MAU2: variants seen among roughly 807,000 people sequenced by gnomAD.
MAU2 encodes the protein MAU2 sister chromatid cohesion factor.
MAU2 carries 9 observed loss-of-function variants against 89.1 expected under a neutral mutation model. The ratio of observed to expected loss-of-function variants is 0.10; its 90% CI spans 0.06 to 0.18. The LOEUF is 0.18. MAU2 is among the 10% of genes least tolerant of loss of function. The probability of loss-of-function intolerance (pLI) is 1.00; values close to 1 mark genes in which losing one functional copy is unlikely to be tolerated. For synonymous variants in MAU2, 357 were observed against 343.4 expected, an observed-to-expected ratio of 1.04 and a Z score of -0.44; for missense variants, 425 against 803.5, an observed-to-expected ratio of 0.53 and a Z score of 5.69.
rs562740685 is a variant in MAU2 at position 19,350,264 on chromosome 19, C to A, written c.1548+828C>A. Among the ~76,000 whole-genome samples, 13 of 147,564 alleles carry A rather than the reference C, an allele frequency of 8.8e-5. No homozygotes were observed. In the South Asian group the frequency reaches 2.6e-3, roughly 29 times the overall value. ...TGAACGGAGATCATGCCGCTGCACTCCAGCCTGGGCAACAGAGTGAGACTC... is the reference window on the plus strand; with the variant it reads ...TGAACGGAGATCATGCCGCTGCACTACAGCCTGGGCAACAGAGTGAGACTC... On this transcript the variant is annotated intron_variant, in intron 16 of 18. Coordinates refer to ENST00000262815, the MANE Select transcript of MAU2 (RefSeq NM_015329.4).
At chr19:19,342,953 A>G (rs1242576028) in intron 9 of MAU2, 87 bp downstream of exon 9, 1 of 1,385,642 alleles carries the variant, frequency 7.2e-7, no homozygotes, top group Non-Finnish European at 1.0e-6. Flanking sequence ...GGGCCCAGTG[A>G]CCCTGTGTGA....
At chr19:19,341,616 C>A (rs2061647502) in intron 7 of MAU2, among the ~76,000 whole-genome samples, 1 of 152,230 alleles carries the variant, frequency 6.6e-6, no homozygotes, top group Non-Finnish European at 1.5e-5. Context: ...CCTGGCCACC[C>A]CACCTCCCTT....
intron 6 of MAU2, among the ~76,000 whole-genome samples, 155 bp downstream of exon 6, chr19:19,341,028 C>T (rs763341937): frequency 1.9e-4 from 29 of 152,150 alleles, no homozygotes; most frequent in Non-Finnish European, 3.8e-4. Context: ...ATGTGAGGCC[C>T]GGGCCCTGCT....
chr19:19,346,271 A>G (rs1360682338), intron 12 of MAU2, among the ~76,000 whole-genome samples: 1 of 152,064 alleles, frequency 6.6e-6, no homozygotes, highest in Non-Finnish European at 1.5e-5. Context: ...CTCTGACTGC[A>G]GCAGGGCCAG....
Position 19,321,155 on chromosome 19 carries a change from C to G in MAU2, c.276+20C>G. On this transcript the variant is annotated intron_variant, in intron 1 of 18. Coordinates refer to ENST00000262815, the MANE Select transcript of MAU2 (RefSeq NM_015329.4). ...AAGGCGGTGAGCGCGGGCCGGGCCG[C>G]GAGGGAGGAGTCGCGGGCTCCTTGC... is the stretch of plus-strand genomic sequence containing the variant. 4.5e-6 allele frequency: 7 copies of G among 1,561,972 alleles called. No individual in the cohort carries two copies. The highest frequency in any genetic ancestry group is 6.1e-6 in the Non-Finnish European group (7 of 1,153,092).
At chr19:19,347,160 G>T in intron 12 of MAU2, 120 bp from the exon 13 acceptor site, 2 of 685,168 alleles carry the variant, frequency 2.9e-6, no homozygotes, top group Non-Finnish European at 2.7e-6. Context: ...AAGTGTGTTT[G>T]AAATGAAAAG....
intron 7 of MAU2, among the ~76,000 whole-genome samples, chr19:19,341,902 C>CA (rs1434426568): frequency 6.6e-6 from 1 of 152,174 alleles, no homozygotes; most frequent in Admixed American, 6.5e-5. Flanking sequence ...GTGACAGTCT[C>CA]AGCCCTTCGG....
chr19:19,336,031 C>T, intron 2 of MAU2, 91 bp from the exon 3 acceptor site: 2 of 917,696 alleles, frequency 2.2e-6, no homozygotes, highest in Non-Finnish European at 3.6e-6. Context: ...GTGTGCCCTG[C>T]AGACCTTGGC....
intron 1 of MAU2, among the ~76,000 whole-genome samples, chr19:19,323,104 G>C (rs1450473874): frequency 6.6e-6 from 1 of 151,852 alleles, no homozygotes; most frequent in Non-Finnish European, 1.5e-5. Flanking sequence ...GGCCAGGCTG[G>C]TCTTGAACTC....
intron 1 of MAU2, among the ~76,000 whole-genome samples, chr19:19,325,834 CTAT>C (rs2061499624): frequency 6.6e-6 from 1 of 152,166 alleles, no homozygotes; most frequent in Non-Finnish European, 1.5e-5. Flanking sequence ...TAGGTAAAAC[CTAT>C]TATTGGCCCC....
intron 12 of MAU2, chr19:19,347,009 A>T: frequency 2.3e-6 from 1 of 425,810 alleles, no homozygotes; most frequent in Non-Finnish European, 4.3e-6. Flanking sequence ...AAAATGGACC[A>T]AAACCCGACA....
rs1278112887 is a variant in MAU2 at position 19,349,457 on chromosome 19, C to T, written c.1548+21C>T. ...ACAGGGTGAGTGCCCTGGCCTGGGCCCCTCGCTTGGGTGCCTGTGGGGCTT... is the reference window on the plus strand; with the variant it reads ...ACAGGGTGAGTGCCCTGGCCTGGGCTCCTCGCTTGGGTGCCTGTGGGGCTT... On this transcript the variant is annotated intron_variant, in intron 16 of 18. Transcript: ENST00000262815. 1.9e-6 allele frequency: 3 copies of T among 1,604,770 alleles called. No individual in the cohort carries two copies. In the South Asian group the frequency reaches 3.3e-5, roughly 18 times the overall value.
At chr19:19,337,022 A>G in intron 3 of MAU2, 148 bp from the exon 4 acceptor site, 1 of 616,818 alleles carries the variant, frequency 1.6e-6, no homozygotes, top group Non-Finnish European at 2.9e-6. Context: ...TACTTTTAAT[A>G]AAGTAAATTG....
At chr19:19,335,651 G>A (rs2146674524) in intron 1 of MAU2, 67 bp from the exon 2 acceptor site, 2 of 1,557,814 alleles carry the variant, frequency 1.3e-6, no homozygotes, top group Non-Finnish European at 1.8e-6. Context: ...GGAAGCCCCA[G>A]AGCGAGCCAG....
intron 5 of MAU2, 30 bp downstream of exon 5, chr19:19,338,969 GCT>G: frequency 5.1e-6 from 8 of 1,572,304 alleles, no homozygotes; most frequent in Non-Finnish European, 6.9e-6. Flanking sequence ...CTTCCCTCCT[GCT>G]CTGTTAACAG....
intron 1 of MAU2, chr19:19,334,617 C>T (rs1328351838): frequency 1.0e-6 from 1 of 985,338 alleles, no homozygotes; most frequent in Non-Finnish European, 1.2e-6. Context: ...TTTCATTTTC[C>T]ACCCCTGACT....
chr19:19,350,980 C>A (rs1357427743), intron 16 of MAU2, among the ~76,000 whole-genome samples: 1 of 151,728 alleles, frequency 6.6e-6, no homozygotes, highest in Non-Finnish European at 1.5e-5. Flanking sequence ...GGGGGAGAAT[C>A]CCTTGATCCC....
intron 16 of MAU2, chr19:19,352,273 A>C (rs992677737): frequency 1.3e-5 from 2 of 152,034 alleles, no homozygotes; most frequent in Non-Finnish European, 2.9e-5. Context: ...TCCACAGGAC[A>C]GATAAAGCAA....
At position 19,345,458 on chromosome 19, in the gene MAU2, G is replaced by T. The variant is rs919937780; in HGVS notation, c.1221+89G>T. 2.4e-6 allele frequency: 3 copies of T among 1,262,074 alleles called. No homozygotes were observed. In the East Asian group the frequency reaches 7.0e-5, roughly 29 times the overall value. 78.2% of individuals were successfully genotyped at this position (1,262,074 alleles called of 1,614,324 possible). A position where few individuals can be genotyped will look rare whatever the true frequency, so the allele number is the denominator to read the frequency against. ...GGTCTGTGATGAGGACAGCAGTCGC[G>T]CTAGGTCAGCTATGCAAAGCCGCAG... On this transcript the variant is annotated intron_variant, in intron 12 of 18. Coordinates refer to ENST00000262815, the MANE Select transcript of MAU2 (RefSeq NM_015329.4). The surrounding 1 kb of genome is among the most constrained non-coding windows in gnomAD (Gnocchi z 4.9).
Sources: gnomAD v4.1 joint callset for allele counts (sites outside exome capture counted in the v4.1 genomes callset) on GRCh38, gnomAD v4.1.1 for gene constraint, Gnocchi (gnomAD v3.1) non-coding constraint, MANE v1.5 for transcripts, NCBI Gene and HGNC (gene_info 2026-07-23, HGNC 2026-07-21) for gene names.